The following GPHN variants were observed in gnomAD, a reference collection of about 807,000 sequenced individuals.
GPHN encodes gephyrin.
GPHN carries 17 observed loss-of-function variants against 95.5 expected under a neutral mutation model. The observed-to-expected ratio is 0.18, with a 90% CI of 0.12 to 0.27. The LOEUF (loss-of-function observed/expected upper bound fraction) is 0.27, where lower values mean the gene tolerates loss of function less well. Among genes scored for constraint, GPHN ranks in the 10% least tolerant of loss-of-function variants. The pLI is 1.00. For missense variants in GPHN, 660 were observed against 978.1 expected (o/e 0.67, Z 4.34); for synonymous variants, 320 against 322.5 (o/e 0.99, Z 0.08).
chr14:67,320,785 G>A, the GPHN span, among the ~76,000 whole-genome samples: 1 of 152,114 alleles, frequency 6.6e-6, no homozygotes, highest in African/African-American at 2.4e-5. Context: ...GAGTAGTAGT[G>A]TTTTAAATGC....
chr14:67,733,096 A>C, the GPHN span, among the ~76,000 whole-genome samples: 1 of 151,714 alleles, frequency 6.6e-6, no homozygotes, highest in Non-Finnish European at 1.5e-5. Context: ...CGTTGTGCAC[A>C]TGTACCCTAA....
chr14:67,491,856 G>C, the GPHN span, among the ~76,000 whole-genome samples: 1 of 152,220 alleles, frequency 6.6e-6, no homozygotes, highest in Non-Finnish European at 1.5e-5. Context: ...GCCTGTGTCT[G>C]TCCAGCTCCC....
intron 10 of GPHN, among the ~76,000 whole-genome samples, chr14:67,057,545 A>G (rs1008797372): frequency 6.6e-6 from 1 of 152,190 alleles, no homozygotes; most frequent in Non-Finnish European, 1.5e-5. Flanking sequence ...AAGTTTACCT[A>G]TGTAACAAAC....
chr14:67,413,662 A>G, the GPHN span, among the ~76,000 whole-genome samples: 1 of 152,142 alleles, frequency 6.6e-6, no homozygotes, highest in African/African-American at 2.4e-5. Context: ...CCCACCTGCC[A>G]GCCCCAAGGA....
rs537517252 is a variant in GPHN at position 67,012,984 on chromosome 14, T to C, written c.964-10649T>C. 3.9e-4 allele frequency among the ~76,000 whole-genome samples: 60 copies of C among 152,244 alleles called. No homozygotes were observed. In the South Asian group the frequency reaches 4.8e-3, roughly 12 times the overall value. ...TGAAACTATCTTATTTATGTACTTA[T>C]TAGTTTAGGTGCTTATCATCTGTCT... On this transcript the variant is annotated intron_variant, in intron 9 of 22. Transcript: ENST00000478722.
intron 10 of GPHN, among the ~76,000 whole-genome samples, chr14:67,040,644 A>C (rs2074653836): frequency 6.6e-6 from 1 of 152,132 alleles, no homozygotes; most frequent in Non-Finnish European, 1.5e-5. Flanking sequence ...CAAGTCTTCA[A>C]GTTTGTCTTT....
At chr14:66,582,443 T>G (rs1021669572) in intron 1 of GPHN, among the ~76,000 whole-genome samples, 8 of 152,246 alleles carry the variant, frequency 5.3e-5, no homozygotes, top group Admixed American at 5.2e-4. Flanking sequence ...TGCAGGTTTG[T>G]GACATATGTA....
chr14:67,556,612 G>A, the GPHN span, among the ~76,000 whole-genome samples: 1 of 152,154 alleles, frequency 6.6e-6, no homozygotes, highest in Non-Finnish European at 1.5e-5. Flanking sequence ...GCCCAGCGGG[G>A]TGTGACGGTA....
chr14:66,515,045 A>T (rs2058185996), intron 1 of GPHN, among the ~76,000 whole-genome samples: 1 of 152,126 alleles, frequency 6.6e-6, no homozygotes, highest in South Asian at 2.1e-4. Flanking sequence ...TTTCAGAACT[A>T]ATAGAGGTAA....
chr14:67,733,767 G>A, the GPHN span: 1 of 1,613,294 alleles, frequency 6.2e-7, no homozygotes, highest in Non-Finnish European at 8.5e-7. Context: ...GGACCTGGGT[G>A]TCTCCAAGGG....
chr14:67,412,795 TTC>T, the GPHN span, among the ~76,000 whole-genome samples: 2 of 152,086 alleles, frequency 1.3e-5, no homozygotes, highest in Non-Finnish European at 2.9e-5. Context: ...GACAGGGTCT[TTC>T]TCTGTCACCC....
rs1016718753 is a variant in GPHN, at chr14:66,513,106, T to C, written c.64+4515T>C. 1.1e-4 allele frequency among the ~76,000 whole-genome samples: 17 copies of C among 151,906 alleles called. No homozygotes were observed. The South Asian group carries it at 3.3e-3, about 30-fold the overall frequency. On this transcript the variant is annotated intron_variant, in intron 1 of 22. Transcript: ENST00000478722. ...GCAATGTATTAGAGAATTAAATGTT[T>C]AGGCAAAGTAGGAAAATGTTAAATT...
chr14:67,674,445 G>A, the GPHN span: 2 of 1,609,396 alleles, frequency 1.2e-6, no homozygotes. Context: ...GGAAGATCTC[G>A]TGCAGCTTCT....
intron 6 of GPHN, among the ~76,000 whole-genome samples, chr14:66,920,897 T>C (rs925572013): frequency 6.6e-6 from 1 of 152,198 alleles, no homozygotes; most frequent in African/African-American, 2.4e-5. Flanking sequence ...TAGTCTGTAA[T>C]CTCATCCAGG....
At chr14:66,645,495 T>A (rs1179108585) in intron 1 of GPHN, among the ~76,000 whole-genome samples, 2 of 151,986 alleles carry the variant, frequency 1.3e-5, no homozygotes, top group Non-Finnish European at 2.9e-5. Context: ...AAGACCAGCC[T>A]GGCCAACAAG....
chr14:67,579,986 T>G, the GPHN span: 1 of 1,070,076 alleles, frequency 9.3e-7, no homozygotes, highest in Non-Finnish European at 1.3e-6. Flanking sequence ...CATTTGGTGC[T>G]GAGCCCAAGG....
chr14:66,600,936 A>G (rs1257899835), intron 1 of GPHN, among the ~76,000 whole-genome samples: 6 of 152,052 alleles, frequency 3.9e-5, no homozygotes, highest in African/African-American at 1.2e-4. Flanking sequence ...TTGGGATACA[A>G]ATAAATTTTA....
At chr14:66,530,951 A>C (rs1164957249) in intron 1 of GPHN, among the ~76,000 whole-genome samples, 3 of 131,462 alleles carry the variant, frequency 2.3e-5, no homozygotes, top group Non-Finnish European at 4.6e-5. Context: ...TTTGTTTGTT[A>C]GATTTTTTTT....
At chr14:66,536,469 C>CT (rs2059149634) in intron 1 of GPHN, among the ~76,000 whole-genome samples, 2 of 152,038 alleles carry the variant, frequency 1.3e-5, no homozygotes, top group South Asian at 4.1e-4. Context: ...TTAATATTCT[C>CT]TTTAGAATTT....
Sources: gnomAD v4.1 joint callset for allele counts (sites outside exome capture counted in the v4.1 genomes callset) on GRCh38, gnomAD v4.1.1 for gene constraint, MANE v1.5 for transcripts, NCBI Gene and HGNC (gene_info 2026-07-23, HGNC 2026-07-21) for gene names.